Variants in WDR25 observed in about 807,000 individuals in gnomAD.
The protein encoded by WDR25 is WD repeat domain 25.
In WDR25, 35 loss-of-function variants were observed where a neutral mutation model predicts 47.7. The ratio of observed to expected loss-of-function variants is 0.73; its 90% CI spans 0.56 to 0.97. The LOEUF (loss-of-function observed/expected upper bound fraction) is 0.97. Among genes scored for constraint, WDR25 ranks in the 50% least tolerant of loss-of-function variants. The pLI is 0.00. For synonymous variants in WDR25, 248 were observed against 278.9 expected (o/e 0.89, Z 1.10); for missense variants, 634 against 704.7 (o/e 0.90, Z 1.14).
chr14:100,442,457 G>T (rs543255649), intron 2 of WDR25, among the ~76,000 whole-genome samples: 1 of 152,186 alleles, frequency 6.6e-6, no homozygotes, highest in Non-Finnish European at 1.5e-5. Flanking sequence ...GAAATAGTGG[G>T]TCTATGTTAT....
In WDR25 at chr14:100,397,694, G is replaced by A. The variant is rs539315567; in HGVS notation, c.822+15948G>A. 2.6e-5 allele frequency among the ~76,000 whole-genome samples: 4 copies of A among 152,306 alleles called. No homozygotes were observed. In the South Asian group the frequency reaches 6.2e-4, roughly 24 times the overall value. On this transcript the variant is annotated intron_variant, in intron 2 of 6. Coordinates refer to ENST00000402312, the MANE Select transcript of WDR25 (RefSeq NM_001161476.3). ...GGTAGCCATTGCTCAGCAGCAAAGC[G>A]ATAGAAAAGCATTCCAGGCCAAGGG...
chr14:100,376,645 C>T (rs1305717543), intron 1 of WDR25, 150 bp downstream of exon 1: 1 of 1,231,706 alleles, frequency 8.1e-7, no homozygotes, highest in Admixed American at 4.2e-5. Flanking sequence ...TTGGACCAAC[C>T]TTACTTCTTA....
chr14:100,437,755 A>G (rs947380369), intron 2 of WDR25, among the ~76,000 whole-genome samples: 4 of 152,006 alleles, frequency 2.6e-5, no homozygotes, highest in African/African-American at 9.7e-5. Flanking sequence ...CTCCAACCCT[A>G]CGTTCACCCA....
At position 100,414,921 on chromosome 14, in the gene WDR25, GA is replaced by G. The variant is rs1897828550; in HGVS notation, c.822+33182del. On this transcript the variant is annotated intron_variant, in intron 2 of 6. Transcript: ENST00000402312. ...TCCATCTCAAAAAAAAAAAAAAGAA[GA>G]AAAAAAGGTCCCTTTATTTCTAGAT... is the stretch of plus-strand genomic sequence containing the variant. 2.7e-5 allele frequency among the ~76,000 whole-genome samples: 4 copies of G among 150,026 alleles called. No individual in the cohort carries two copies. In the South Asian group the frequency reaches 6.3e-4, roughly 24 times the overall value.
chr14:100,440,313 C>CT lies in WDR25; in HGVS notation c.823-27707dup, dbSNP rs1294120218. Among the ~76,000 whole-genome samples the CT allele has an allele frequency of 1.3e-5, 2 of 152,250 alleles. No homozygotes were observed. The highest frequency in any genetic ancestry group is 2.9e-5 in the Non-Finnish European group (2 of 68,046). ...ATTCTTTGATTGCAAAATAGCTACT[C>CT]TCAAAATGCAGACAGGCAGCCACAG... On this transcript the variant is annotated intron_variant, in intron 2 of 6. Transcript: ENST00000402312. The surrounding 1 kb of genome is among the most constrained non-coding windows in gnomAD (Gnocchi z 4.4).
intron 2 of WDR25, among the ~76,000 whole-genome samples, chr14:100,393,055 C>G (rs1897179237): frequency 6.6e-6 from 1 of 152,234 alleles, no homozygotes; most frequent in African/African-American, 2.4e-5. Context: ...CCTTGAAGCC[C>G]CAAGGGGGCA....
chr14:100,434,715 C>G (rs1371464400), intron 2 of WDR25, among the ~76,000 whole-genome samples: 1 of 152,182 alleles, frequency 6.6e-6, no homozygotes, highest in Non-Finnish European at 1.5e-5. Flanking sequence ...GAGAGGTGCT[C>G]CCCCTCCTTT....
At chr14:100,391,006 G>A (rs1897132359) in intron 2 of WDR25, among the ~76,000 whole-genome samples, 2 of 152,048 alleles carry the variant, frequency 1.3e-5, no homozygotes, top group Admixed American at 6.5e-5. Flanking sequence ...TAGTCTTAGC[G>A]TTTCTCTTAT....
intron 4 of WDR25, among the ~76,000 whole-genome samples, chr14:100,522,795 A>G (rs892497821): frequency 6.6e-6 from 1 of 152,196 alleles, no homozygotes. Context: ...TGTCTGCCTA[A>G]GTGCTTGGGC....
At chr14:100,459,513 C>A (rs1196704221) in intron 2 of WDR25, among the ~76,000 whole-genome samples, 1 of 152,036 alleles carries the variant, frequency 6.6e-6, no homozygotes, top group South Asian at 2.1e-4. Flanking sequence ...GAAATCTTAA[C>A]CCCCAGTGCC....
At chr14:100,447,372 A>G (rs1046501031) in intron 2 of WDR25, among the ~76,000 whole-genome samples, 5 of 152,226 alleles carry the variant, frequency 3.3e-5, no homozygotes, top group Non-Finnish European at 5.9e-5. Flanking sequence ...ACTTCCCACG[A>G]GTTAGCAGCA....
chr14:100,449,786 C>G lies in WDR25; in HGVS notation c.823-18235C>G, dbSNP rs1307449571. On this transcript the variant is annotated intron_variant, in intron 2 of 6. Transcript: ENST00000402312. This position sits in a 1 kb window ranked among gnomAD's most constrained non-coding sequence, Gnocchi z 4.2. ...CCCTCACTTGTAGAGGTGGCACCATCATGCGGTCATAGGATGAGACGTCCC... is the reference window on the plus strand; with the variant it reads ...CCCTCACTTGTAGAGGTGGCACCATGATGCGGTCATAGGATGAGACGTCCC... Among the ~76,000 whole-genome samples, 2 of 152,208 alleles carry G rather than the reference C, an allele frequency of 1.3e-5. No homozygotes were observed. Among genetic ancestry groups the G allele is most frequent in the Non-Finnish European group, 2.9e-5 (2 of 68,030 alleles).
intron 2 of WDR25, among the ~76,000 whole-genome samples, chr14:100,406,085 C>T (rs945644506): frequency 1.3e-5 from 2 of 152,108 alleles, no homozygotes; most frequent in Non-Finnish European, 2.9e-5. Context: ...ACAGGCTCCC[C>T]AAGGCTTAGA....
intron 1 of WDR25, among the ~76,000 whole-genome samples, chr14:100,378,256 G>A (rs1393493970): frequency 2.0e-5 from 3 of 151,746 alleles, no homozygotes; most frequent in Non-Finnish European, 4.4e-5. Context: ...TGCAACCTCT[G>A]CCTCCTGGGT....
chr14:100,516,495 G>C (rs1308179790), intron 4 of WDR25, among the ~76,000 whole-genome samples: 1 of 152,146 alleles, frequency 6.6e-6, no homozygotes, highest in African/African-American at 2.4e-5. Flanking sequence ...GACTTGTATG[G>C]TTTCTCCTTT....
Position 100,381,710 on chromosome 14 carries a change from C to T in WDR25, c.786C>T (p.His262=), listed in dbSNP as rs1386953474. Residue 262 remains histidine, a synonymous_variant, in exon 2 of 7, where the codon CAC becomes CAT. Coordinates refer to ENST00000402312, the MANE Select transcript of WDR25 (RefSeq NM_001161476.3). ...GGTGTCCAGTCCTTTCTAAGAGCCA[C>T]ATGCTTCTCTCCACTTCTATGGATA... is the stretch of plus-strand genomic sequence containing the variant. The part of the protein sequence containing the change: ...IQWCPVLSKS[H]MLLSTSMDKT... The T allele has an allele frequency of 6.2e-7, 1 of 1,611,144 alleles. No homozygotes were observed. Among genetic ancestry groups the T allele is most frequent in the South Asian group, 1.1e-5 (1 of 90,906 alleles).
At chr14:100,456,728 C>G (rs1404522312) in intron 2 of WDR25, among the ~76,000 whole-genome samples, 2 of 152,174 alleles carry the variant, frequency 1.3e-5, no homozygotes, top group African/African-American at 4.8e-5. Context: ...GAAAAATGAA[C>G]AGATCATCAG....
At chr14:100,472,493 G>C (rs189985413) in intron 3 of WDR25, among the ~76,000 whole-genome samples, 11 of 152,374 alleles carry the variant, frequency 7.2e-5, no homozygotes, top group African/African-American at 2.4e-4. Flanking sequence ...AATGCCTGGC[G>C]TGTGGTAGGT....
chr14:100,416,376 G>C (rs1354256023), intron 2 of WDR25, among the ~76,000 whole-genome samples: 1 of 152,122 alleles, frequency 6.6e-6, no homozygotes, highest in East Asian at 1.9e-4. Flanking sequence ...AAACTTTGCT[G>C]TTTGCCCTCA....
Sources: allele counts gnomAD v4.1 joint callset (sites outside exome capture counted in the v4.1 genomes callset), GRCh38; gene constraint gnomAD v4.1.1; non-coding constraint Gnocchi (gnomAD v3.1); transcripts MANE v1.5; gene names NCBI Gene and HGNC (gene_info 2026-07-23, HGNC 2026-07-21).